IPO11: variants seen among roughly 807,000 people sequenced by gnomAD.
IPO11 encodes importin-11.
IPO11 carries 66 observed loss-of-function variants against 143.2 expected under a neutral mutation model. The observed-to-expected ratio is 0.46, with a 90% CI of 0.38 to 0.57. The LOEUF is 0.57. IPO11 is among the 20% of genes least tolerant of loss of function. IPO11 has a pLI of 0.00. For missense variants in IPO11, 1,026 were observed against 1,141.0 expected, an observed-to-expected ratio of 0.90 and a Z score of 1.45; for synonymous variants, 385 against 377.8, an observed-to-expected ratio of 1.02 and a Z score of -0.22.
chr5:62,476,339 T>C (rs1454041829), intron 8 of IPO11, among the ~76,000 whole-genome samples: 3 of 152,176 alleles, frequency 2.0e-5, no homozygotes, highest in Non-Finnish European at 2.9e-5. Context: ...ATAATGAGTG[T>C]GTTACTCCTT....
chr5:62,517,525 C>T (rs1481547998), intron 20 of IPO11, among the ~76,000 whole-genome samples: 1 of 152,156 alleles, frequency 6.6e-6, no homozygotes, highest in Non-Finnish European at 1.5e-5. Context: ...GCCTCATCCT[C>T]CAGAGTAGCT....
intron 29 of IPO11, among the ~76,000 whole-genome samples, chr5:62,615,272 C>G (rs1469682255): frequency 6.6e-6 from 1 of 152,212 alleles, no homozygotes; most frequent in Non-Finnish European, 1.5e-5. Context: ...GAACAACCCC[C>G]TCCAATAACA....
intron 29 of IPO11, among the ~76,000 whole-genome samples, chr5:62,614,151 A>G (rs1746039156): frequency 6.6e-6 from 1 of 152,192 alleles, no homozygotes; most frequent in South Asian, 2.1e-4. Context: ...ACACATAGAA[A>G]AGGAAAGCTT....
At chr5:62,492,005 A>G (rs1240912322) in intron 15 of IPO11, among the ~76,000 whole-genome samples, 2 of 152,172 alleles carry the variant, frequency 1.3e-5, no homozygotes, top group Non-Finnish European at 2.9e-5. Flanking sequence ...GGCCTGCATT[A>G]TATTTCTAAT....
intron 21 of IPO11, among the ~76,000 whole-genome samples, chr5:62,530,241 TTTCTATCAACAGGGGA>T (rs1451838934): frequency 1.3e-5 from 2 of 152,236 alleles, no homozygotes; most frequent in Non-Finnish European, 2.9e-5. Context: ...CAGTTGTGTC[TTTCTATCAACAGGGGA>T]TTGGTTCCAG....
chr5:62,569,782 T>C (rs1036658825), intron 27 of IPO11, among the ~76,000 whole-genome samples: 40 of 152,186 alleles, frequency 2.6e-4, no homozygotes, highest in African/African-American at 9.4e-4. Flanking sequence ...GAAATTCTGC[T>C]CCCTTACCAC....
chr5:62,624,934 G>A (rs938747638), intron 29 of IPO11, among the ~76,000 whole-genome samples: 2 of 137,674 alleles, frequency 1.5e-5, no homozygotes, highest in East Asian at 2.2e-4. Context: ...GCAGTGAGCC[G>A]AAATCGCGCC....
chr5:62,483,024 T>G, intron 9 of IPO11, 77 bp from the exon 10 acceptor site: 1 of 926,708 alleles, frequency 1.1e-6, no homozygotes, highest in Non-Finnish European at 1.6e-6. Flanking sequence ...TTAGTAAAGT[T>G]ATAATTGGAG....
chr5:62,447,505 G>T (rs573433833), intron 3 of IPO11, among the ~76,000 whole-genome samples: 2 of 152,098 alleles, frequency 1.3e-5, no homozygotes, highest in East Asian at 3.9e-4. Context: ...GATCTTTCTG[G>T]AATTTATTCT....
chr5:62,616,747 C>CAAAAAAA (rs1746154511), intron 29 of IPO11, among the ~76,000 whole-genome samples: 1 of 124,516 alleles, frequency 8.0e-6, no homozygotes, highest in African/African-American at 3.4e-5. Context: ...AAAAAAAAAT[C>CAAAAAAA]AGTGAGAGAA....
chr5:62,471,053 C>T (rs148501011), intron 7 of IPO11, among the ~76,000 whole-genome samples: 1,725 of 151,630 alleles, frequency 0.011, 19 homozygotes, highest in Non-Finnish European at 0.016. Context: ...GTCTTGAACT[C>T]CTGGCCTCAA....
chr5:62,501,769 G>A (rs942271056), intron 16 of IPO11, among the ~76,000 whole-genome samples: 2 of 152,104 alleles, frequency 1.3e-5, no homozygotes, highest in African/African-American at 4.8e-5. Flanking sequence ...TAGGAATAGG[G>A]ATAGGAAAGA....
intron 22 of IPO11, among the ~76,000 whole-genome samples, chr5:62,536,389 G>A (rs773102066): frequency 2.0e-5 from 3 of 151,952 alleles, no homozygotes; most frequent in Non-Finnish European, 4.4e-5. Context: ...AAATGAGGTA[G>A]CATTAAGCTT....
At chr5:62,458,091 G>T (rs1257453684) in intron 5 of IPO11, among the ~76,000 whole-genome samples, 1 of 148,472 alleles carries the variant, frequency 6.7e-6, no homozygotes, top group Non-Finnish European at 1.5e-5. Flanking sequence ...AGCTTGCAGT[G>T]AGCTGAGATC....
At chr5:62,539,795 G>A (rs1425632449) in intron 24 of IPO11, among the ~76,000 whole-genome samples, 1 of 152,174 alleles carries the variant, frequency 6.6e-6, no homozygotes, top group Non-Finnish European at 1.5e-5. Flanking sequence ...TGACACAGTG[G>A]CAATATAAGT....
chr5:62,513,382 C>T (rs1166639838), intron 19 of IPO11, among the ~76,000 whole-genome samples: 1 of 143,468 alleles, frequency 7.0e-6, no homozygotes, highest in East Asian at 2.2e-4. Flanking sequence ...ACCTCCCTCC[C>T]GGACGGGGCG....
intron 20 of IPO11, among the ~76,000 whole-genome samples, chr5:62,517,986 A>C (rs1053327933): frequency 2.0e-5 from 3 of 152,040 alleles, no homozygotes; most frequent in African/African-American, 7.2e-5. Context: ...TATATTTTTC[A>C]GCCGTTTGGG....
rs1325054937 is a variant in IPO11, at chr5:62,512,814, TG to T, written c.1783-2573del. ...AACGCGCATGCTGCCTTCAAGCATC[TG>T]TTTAACAAAGCACATCTTGCACCGC... On this transcript the variant is annotated intron_variant, in intron 19 of 29. Transcript: ENST00000325324. Among the ~76,000 whole-genome samples, 3 of 149,176 alleles carry T rather than the reference TG, an allele frequency of 2.0e-5. No individual in the cohort carries two copies. The East Asian group carries it at 5.9e-4, about 29-fold the overall frequency.
intron 29 of IPO11, among the ~76,000 whole-genome samples, chr5:62,612,727 A>G (rs1011919882): frequency 5.3e-5 from 8 of 152,256 alleles, no homozygotes; most frequent in Admixed American, 6.5e-5. Flanking sequence ...GATTTAACCC[A>G]TATAAGCAAA....
Sources: gnomAD v4.1 joint callset for allele counts (sites outside exome capture counted in the v4.1 genomes callset) on GRCh38, gnomAD v4.1.1 for gene constraint, MANE v1.5 for transcripts, NCBI Gene and HGNC (gene_info 2026-07-23, HGNC 2026-07-21) for gene names.